LMBRD1: variants seen among roughly 807,000 people sequenced by gnomAD.
LMBRD1 encodes the protein LMBR1 domain containing 1.
In LMBRD1, 64 loss-of-function variants were observed where a neutral mutation model predicts 74.8. The observed-to-expected ratio is 0.86, with a 90% CI of 0.70 to 1.05. LMBRD1 has a LOEUF of 1.05. Ranked by LOEUF, LMBRD1 falls within the 50% of genes least tolerant of loss-of-function variation. LMBRD1 has a pLI of 0.00. For missense variants in LMBRD1, 652 were observed against 645.9 expected, an observed-to-expected ratio of 1.01 and a Z score of -0.10; for synonymous variants, 204 against 216.3, an observed-to-expected ratio of 0.94 and a Z score of 0.50.
At position 69,697,661 on chromosome 6, in the gene LMBRD1, T is replaced by A; in HGVS notation, c.1339-20A>T. On this transcript the variant is annotated intron_variant, in intron 13 of 15. Transcript: ENST00000649934. ...ATTAGTCTGAAAGATAAAAATACAG[T>A]TAAAATATAAAAACCGCATTAATAA... 7.0e-7 allele frequency: 1 copy of A among 1,426,362 alleles called. No homozygotes were observed. The highest frequency in any genetic ancestry group is 9.9e-7 in the Non-Finnish European group (1 of 1,012,466). 88.4% of individuals were successfully genotyped at this position (1,426,362 alleles called of 1,614,324 possible). A position where few individuals can be genotyped will look rare whatever the true frequency, so the allele number is the denominator to read the frequency against.
intron 14 of LMBRD1, 83 bp from the exon 15 acceptor site, chr6:69,676,624 C>T (rs1765552974): frequency 9.1e-7 from 1 of 1,098,102 alleles, no homozygotes; most frequent in African/African-American, 1.6e-5. Context: ...AGATTATTAA[C>T]CAAAGCTAAT....
At chr6:69,781,747 C>A (rs1481215333) in intron 2 of LMBRD1, among the ~76,000 whole-genome samples, 4 of 152,042 alleles carry the variant, frequency 2.6e-5, no homozygotes, top group Non-Finnish European at 4.4e-5. Context: ...AAATAAATCA[C>A]AGGATATAAC....
At chr6:69,788,877 C>T (rs554675507) in intron 2 of LMBRD1, among the ~76,000 whole-genome samples, 1 of 152,318 alleles carries the variant, frequency 6.6e-6, no homozygotes, top group East Asian at 1.9e-4. Flanking sequence ...TGCAGAGCTT[C>T]AAATCCCAGC....
intron 13 of LMBRD1, 86 bp from the exon 14 acceptor site, chr6:69,697,727 C>CAGAGTATACAGT: frequency 1.3e-6 from 1 of 755,892 alleles, no homozygotes; most frequent in Non-Finnish European, 2.3e-6. Context: ...GAACTGTATA[C>CAGAGTATACAGT]TCTGTATACT....
intron 14 of LMBRD1, among the ~76,000 whole-genome samples, chr6:69,694,016 T>G (rs567844137): frequency 6.6e-6 from 1 of 152,152 alleles, no homozygotes; most frequent in African/African-American, 2.4e-5. Context: ...ACTAAAATGT[T>G]TAAGAAAAAA....
intron 8 of LMBRD1, 98 bp downstream of exon 8, chr6:69,718,858 A>T (rs1766550073): frequency 7.5e-7 from 1 of 1,331,598 alleles, no homozygotes; most frequent in South Asian, 1.2e-5. Flanking sequence ...CAAACAATGT[A>T]AAAAGTTATG....
At chr6:69,677,890 T>C (rs1359524050) in intron 14 of LMBRD1, among the ~76,000 whole-genome samples, 2 of 152,164 alleles carry the variant, frequency 1.3e-5, no homozygotes, top group Non-Finnish European at 2.9e-5. Context: ...TATTTGATAT[T>C]TGTGTAAACC....
intron 9 of LMBRD1, among the ~76,000 whole-genome samples, chr6:69,702,510 T>C (rs1766156224): frequency 6.6e-6 from 1 of 151,984 alleles, no homozygotes; most frequent in Non-Finnish European, 1.5e-5. Flanking sequence ...AAACAATGTT[T>C]CTGTGGAAAA....
At chr6:69,745,299 C>T (rs1446910814) in intron 5 of LMBRD1, among the ~76,000 whole-genome samples, 1 of 142,894 alleles carries the variant, frequency 7.0e-6, no homozygotes, top group Non-Finnish European at 1.5e-5. Flanking sequence ...TCGCCCAGGT[C>T]GGACTGCGGA....
At chr6:69,736,894 G>C (rs1291382144) in intron 7 of LMBRD1, among the ~76,000 whole-genome samples, 1 of 152,148 alleles carries the variant, frequency 6.6e-6, no homozygotes, top group Non-Finnish European at 1.5e-5. Flanking sequence ...CTGTGAGATA[G>C]AAGGATAATC....
intron 5 of LMBRD1, among the ~76,000 whole-genome samples, chr6:69,744,492 A>G (rs994486928): frequency 6.6e-6 from 1 of 152,230 alleles, no homozygotes; most frequent in African/African-American, 2.4e-5. Context: ...GCTTAGTAAA[A>G]ATATTTCCTA....
In LMBRD1 at chr6:69,719,836, T is replaced by C. The variant is rs114972140; in HGVS notation, c.637-755A>G. On this transcript the variant is annotated intron_variant, in intron 7 of 15. Coordinates refer to ENST00000649934, the MANE Select transcript of LMBRD1 (RefSeq NM_018368.4). ...CTGAAGTGGATACTACATTATGTAC[T>C]TAAATGTTTTTCACTTTCCTTCTGG... Among the ~76,000 whole-genome samples the C allele has an allele frequency of 6.4e-3, 975 of 152,284 alleles. 14 individuals are homozygous for C. Among genetic ancestry groups the C allele is most frequent in the African/African-American group, 0.02 (836 of 41,548 alleles).
At chr6:69,695,251 GAAAAA>G (rs879771931) in intron 14 of LMBRD1, among the ~76,000 whole-genome samples, 1 of 143,814 alleles carries the variant, frequency 7.0e-6, no homozygotes, top group South Asian at 2.2e-4. Context: ...CTAACTAAAA[GAAAAA>G]AAAAAAGTTC....
Position 69,724,623 on chromosome 6 carries a change from T to C in LMBRD1, c.637-5542A>G, listed in dbSNP as rs149914874. 3.2e-3 allele frequency among the ~76,000 whole-genome samples: 479 copies of C among 151,172 alleles called. 2 individuals are homozygous for C. Among genetic ancestry groups the C allele is most frequent in the African/African-American group, 0.011 (447 of 41,308 alleles). On this transcript the variant is annotated intron_variant, in intron 7 of 15. Transcript: ENST00000649934. The stretch of plus-strand genomic sequence containing the variant: ...AAGAGAATGAAGGATGAAAACCACA[T>C]GATCATTTCAATTGATGCTGAAAAA...
At chr6:69,705,185 G>A in intron 9 of LMBRD1, 3 of 525,412 alleles carry the variant, frequency 5.7e-6, no homozygotes, top group Non-Finnish European at 1.1e-5. Flanking sequence ...AACATGGTAG[G>A]GAAAGTTCCC....
intron 3 of LMBRD1, among the ~76,000 whole-genome samples, chr6:69,778,300 T>A (rs1179975458): frequency 6.6e-6 from 1 of 152,230 alleles, no homozygotes; most frequent in South Asian, 2.1e-4. Flanking sequence ...TTGTAATGAT[T>A]AACTTATCAC....
intron 3 of LMBRD1, among the ~76,000 whole-genome samples, chr6:69,774,988 AGGGAGGGAGGGAGGGAGGGAGGGAGGGAG>A (rs1765663905): frequency 6.8e-5 from 2 of 29,476 alleles, no homozygotes; most frequent in Non-Finnish European, 6.5e-5. Flanking sequence ...GAAGGAAGGA[AGGGAGGGAGGGAGGGAGGGAGGGAGGGAG>A]GGAGGGAGGG....
intron 12 of LMBRD1, among the ~76,000 whole-genome samples, chr6:69,700,228 G>C (rs1253554007): frequency 6.6e-6 from 1 of 151,820 alleles, no homozygotes; most frequent in Non-Finnish European, 1.5e-5. Context: ...TGGAAGTAGT[G>C]TCTACCTGAT....
Position 69,749,083 on chromosome 6 carries a change from T to G in LMBRD1, c.473+258A>C, listed in dbSNP as rs563312534. Among the ~76,000 whole-genome samples the G allele has an allele frequency of 2.2e-4, 33 of 152,092 alleles. No individual in the cohort carries two copies. In the South Asian group the frequency reaches 6.2e-3, roughly 29 times the overall value. On this transcript the variant is annotated intron_variant, in intron 5 of 15. Transcript: ENST00000649934. ...GAATTATATAAAACATAATCACATT[T>G]GTGTAAAAAGCATGTAGAATGCATG... is the stretch of plus-strand genomic sequence containing the variant.
Sources: gnomAD v4.1 joint callset for allele counts (sites outside exome capture counted in the v4.1 genomes callset) on GRCh38, gnomAD v4.1.1 for gene constraint, MANE v1.5 for transcripts, NCBI Gene and HGNC (gene_info 2026-07-23, HGNC 2026-07-21) for gene names.